The following ABCC6 variants were observed in gnomAD, a reference collection of about 807,000 sequenced individuals.
ABCC6 encodes ATP binding cassette subfamily C member 6, also known as ATP-binding cassette sub-family C member 6.
Under a neutral mutation model 169.5 loss-of-function variants are expected in ABCC6, and 126 were observed. The observed-to-expected ratio is 0.74, with a 90% CI of 0.64 to 0.86. The LOEUF (loss-of-function observed/expected upper bound fraction) is 0.86, where lower values mean the gene tolerates loss of function less well. Ranked by LOEUF, ABCC6 falls within the 40% of genes least tolerant of loss-of-function variation. The pLI is 0.00. For missense variants in ABCC6, 1,733 were observed against 1,927.2 expected (o/e 0.90, Z 1.89); for synonymous variants, 752 against 814.7 (o/e 0.92, Z 1.31).
chr16:16,191,862 C>A (rs915612243), intron 11 of ABCC6, among the ~76,000 whole-genome samples: 1 of 152,058 alleles, frequency 6.6e-6, no homozygotes, highest in Non-Finnish European at 1.5e-5. Context: ...TTACTGAGAA[C>A]CTTCTGCCTG....
At chr16:16,203,664 G>T in intron 7 of ABCC6, 51 bp from the exon 8 acceptor site, 2 of 1,605,562 alleles carry the variant, frequency 1.2e-6, no homozygotes, top group Non-Finnish European at 1.7e-6. Context: ...ACTCTCAGCC[G>T]CCAGCGGCAG....
At chr16:16,198,487 C>G (rs1342651715) in intron 9 of ABCC6, among the ~76,000 whole-genome samples, 6 of 152,252 alleles carry the variant, frequency 3.9e-5, no homozygotes, top group Non-Finnish European at 8.8e-5. Context: ...GCTAAATGAA[C>G]AGCCTTATCC....
intron 20 of ABCC6, 33 bp downstream of exon 20, chr16:16,175,878 G>A: frequency 6.2e-7 from 1 of 1,612,946 alleles, no homozygotes; most frequent in Non-Finnish European, 8.5e-7. Flanking sequence ...TTCAGCCTGT[G>A]CCCTTCTGAG....
At chr16:16,205,449 A>G (rs2048365607) in intron 7 of ABCC6, among the ~76,000 whole-genome samples, 1 of 151,156 alleles carries the variant, frequency 6.6e-6, no homozygotes, top group African/African-American at 2.4e-5. Flanking sequence ...CATAAGAAAA[A>G]CCTCTGGTGA....
chr16:16,215,627 C>T (rs1438100540), intron 4 of ABCC6, among the ~76,000 whole-genome samples: 24 of 150,358 alleles, frequency 1.6e-4, no homozygotes, highest in Non-Finnish European at 2.4e-4. Flanking sequence ...GCATGTGCCA[C>T]GACCCCTGGC....
At chr16:16,215,137 T>G (rs10163325) in intron 4 of ABCC6, among the ~76,000 whole-genome samples, 152,272 of 152,278 alleles carry the variant, frequency 1, 76,133 homozygotes, top group Middle Eastern at 1. Flanking sequence ...GGGTTCTCTG[T>G]TTTGCAGAGA....
rs181784155 is a variant in ABCC6, at chr16:16,155,466, C to T, written c.3883-435G>A. The T allele has an allele frequency of 9.6e-4, 208 of 216,818 alleles. 1 individual carries two copies. The highest frequency in any genetic ancestry group is 2.6e-3 in the Admixed American group (50 of 19,330). 13.4% of individuals were successfully genotyped at this position (216,818 alleles called of 1,614,324 possible). A position where few individuals can be genotyped will look rare whatever the true frequency, so the allele number is the denominator to read the frequency against. The stretch of plus-strand genomic sequence containing the variant: ...TCCCATCCCTCCATCTCTCTTCCAC[C>T]CCATTCCATTCATCCATCCATTCAT... On this transcript the variant is annotated intron_variant, in intron 27 of 30. Coordinates refer to ENST00000205557, the MANE Select transcript of ABCC6 (RefSeq NM_001171.6).
At chr16:16,173,566 C>A (rs911326368) in intron 20 of ABCC6, among the ~76,000 whole-genome samples, 162 bp from the exon 21 acceptor site, 1 of 152,196 alleles carries the variant, frequency 6.6e-6, no homozygotes, top group Non-Finnish European at 1.5e-5. Flanking sequence ...TATCACACTT[C>A]CCTTCTTCCC....
Position 16,221,752 on chromosome 16 carries a change from A to G in ABCC6, c.116T>C (p.Val39Ala), listed in dbSNP as rs2049083798. 6 of 1,613,724 alleles carry G rather than the reference A, an allele frequency of 3.7e-6. No homozygotes were observed. Among genetic ancestry groups the G allele is most frequent in the Non-Finnish European group, 4.2e-6 (5 of 1,179,758 alleles). Residue 39 changes from valine to alanine, a missense_variant, in exon 2 of 31, where the codon GTA becomes GCA. By Grantham distance (64) the Val-to-Ala change is moderately conservative. This residue lies in a region of ABCC6 where 66 missense variants were observed against 69.5 expected (regional missense o/e 0.95). Coordinates refer to ENST00000205557, the MANE Select transcript of ABCC6 (RefSeq NM_001171.6). ...LCFLRTAGVW[V>A]PPMYLWVLGP... is the part of the protein sequence containing the mutation. ...AAGGACCCAGAGGTACATGGGGGGT[A>G]CCCAGACCCCTGCTGTTCTCAGGAA... is the stretch of plus-strand genomic sequence containing the variant.
At chr16:16,166,724 C>T (rs2046887102) in intron 22 of ABCC6, among the ~76,000 whole-genome samples, 1 of 152,076 alleles carries the variant, frequency 6.6e-6, no homozygotes, top group South Asian at 2.1e-4. Context: ...ACCCTACTCT[C>T]TACTAAAAAT....
At chr16:16,173,526 ATTCAT>A in intron 20 of ABCC6, 122 bp from the exon 21 acceptor site, 1 of 1,213,042 alleles carries the variant, frequency 8.2e-7, no homozygotes, top group East Asian at 2.3e-5. Context: ...TCTTTCATTC[ATTCAT>A]TTATCTAACA....
chr16:16,159,396 G>T (rs914408711), intron 26 of ABCC6, 86 bp downstream of exon 26: 4 of 1,272,064 alleles, frequency 3.1e-6, no homozygotes, highest in African/African-American at 3.0e-5. Flanking sequence ...AAACTCCAAA[G>T]CCTGTAGCAG....
intron 21 of ABCC6, among the ~76,000 whole-genome samples, chr16:16,171,654 G>A (rs77093448): frequency 0.042 from 6,348 of 152,236 alleles, 391 homozygotes; most frequent in African/African-American, 0.13. Flanking sequence ...AGATGCATAG[G>A]TGAGGGAATG....
At chr16:16,182,265 G>T in intron 17 of ABCC6, 147 bp downstream of exon 17, 1 of 968,394 alleles carries the variant, frequency 1.0e-6, no homozygotes, top group Non-Finnish European at 1.6e-6. Context: ...CCTAGCACGT[G>T]CTTGACGCTG....
intron 15 of ABCC6, among the ~76,000 whole-genome samples, chr16:16,183,226 C>T (rs1169945985): frequency 6.6e-6 from 1 of 152,160 alleles, no homozygotes; most frequent in Non-Finnish European, 1.5e-5. Flanking sequence ...CACACAAGTG[C>T]ATGCACATAC....
In ABCC6 at chr16:16,163,151, C is replaced by T. The variant is rs1288457361; in HGVS notation, c.3348G>A (p.Glu1116=). The part of the protein sequence containing the change: ...VVSSCQLRRL[E]SASYSSVCSH... ...AGCAGACAGACGAGTAGCTGGCTGA[C>T]TCCAAGCGTCTCAGCTGGCATGAGC... The change falls in exon 24 of 31, where the codon GAG becomes GAA. Residue 1116 remains glutamate (E), a synonymous_variant. Transcript: ENST00000205557. 1 of 1,613,748 alleles carries T rather than the reference C, an allele frequency of 6.2e-7. No homozygotes were observed. The highest frequency in any genetic ancestry group is 1.1e-5 in the South Asian group (1 of 91,090).
At chr16:16,167,867 T>G (rs979411159) in intron 22 of ABCC6, among the ~76,000 whole-genome samples, 1 of 152,216 alleles carries the variant, frequency 6.6e-6, no homozygotes, top group African/African-American at 2.4e-5. Context: ...AGACTTGCCC[T>G]TAGCTATCAA....
At chr16:16,209,186 C>A (rs1208347825) in intron 6 of ABCC6, among the ~76,000 whole-genome samples, 1 of 152,098 alleles carries the variant, frequency 6.6e-6, no homozygotes, top group Non-Finnish European at 1.5e-5. Flanking sequence ...CAGGTTCAAG[C>A]GATTCTCCCA....
intron 10 of ABCC6, among the ~76,000 whole-genome samples, chr16:16,197,652 G>A (rs2048093649): frequency 6.9e-6 from 1 of 144,932 alleles, no homozygotes; most frequent in Non-Finnish European, 1.5e-5. Flanking sequence ...GGAAGAGGAG[G>A]GGGTGCGTGG....
Sources: gnomAD v4.1 joint callset for allele counts (sites outside exome capture counted in the v4.1 genomes callset) on GRCh38, gnomAD v4.1.1 for gene constraint, gnomAD v4.1.1 regional missense constraint, MANE v1.5 for transcripts, NCBI Gene and HGNC (gene_info 2026-07-23, HGNC 2026-07-21) for gene names.